The following CACNG2 variants were observed in gnomAD, a reference collection of about 807,000 sequenced individuals.
CACNG2 encodes the protein voltage-dependent calcium channel gamma-2 subunit.
A neutral mutation model predicts 25.9 loss-of-function variants in CACNG2; 3 were observed. That is an observed-to-expected ratio of 0.12 (90% CI 0.05 to 0.30). The LOEUF (loss-of-function observed/expected upper bound fraction) is 0.30. Ranked by LOEUF, CACNG2 falls within the 10% of genes least tolerant of loss-of-function variation. CACNG2 has a pLI of 1.00. For synonymous variants in CACNG2, 167 were observed against 173.3 expected (o/e 0.96, Z 0.29); for missense variants, 341 against 432.5 (o/e 0.79, Z 1.88).
chr22:36,582,858 C>T (rs747892286), intron 2 of CACNG2, among the ~76,000 whole-genome samples: 2 of 151,922 alleles, frequency 1.3e-5, no homozygotes, highest in African/African-American at 2.4e-5. Flanking sequence ...ACCCTGAGGG[C>T]CATAACCTCA....
chr22:36,675,591 A>G (rs549114526), intron 1 of CACNG2, among the ~76,000 whole-genome samples: 1 of 152,356 alleles, frequency 6.6e-6, no homozygotes, highest in Admixed American at 6.5e-5. Flanking sequence ...CAACAGCCAC[A>G]GAGCCTGCTG....
At chr22:36,640,490 C>T (rs1936426472) in intron 1 of CACNG2, among the ~76,000 whole-genome samples, 1 of 152,220 alleles carries the variant, frequency 6.6e-6, no homozygotes, top group Admixed American at 6.5e-5. Context: ...AGGCAGGCCT[C>T]TGCAGCTGGA....
chr22:36,570,762 CAAAAAAA>C (rs11445356), intron 2 of CACNG2, among the ~76,000 whole-genome samples: 1 of 64,158 alleles, frequency 1.6e-5, no homozygotes, highest in African/African-American at 5.1e-5. Context: ...GACTCCATCT[CAAAAAAA>C]AAAAAAAAAA....
intron 1 of CACNG2, among the ~76,000 whole-genome samples, chr22:36,631,076 G>T (rs762895395): frequency 6.6e-6 from 1 of 152,084 alleles, no homozygotes; most frequent in Non-Finnish European, 1.5e-5. Flanking sequence ...TGATCCACCC[G>T]CCTCGGCCTC....
At chr22:36,566,993 G>A (rs1935137988) in intron 2 of CACNG2, among the ~76,000 whole-genome samples, 1 of 152,150 alleles carries the variant, frequency 6.6e-6, no homozygotes, top group South Asian at 2.1e-4. Flanking sequence ...GAGCTCCCTC[G>A]TCTGCACTTT....
intron 1 of CACNG2, among the ~76,000 whole-genome samples, chr22:36,695,488 C>A: frequency 7.1e-6 from 1 of 141,282 alleles, no homozygotes; most frequent in Non-Finnish European, 1.5e-5. Context: ...CCTGCCACTC[C>A]CCCACCCCCA....
At chr22:36,609,994 C>T (rs1397844983) in intron 1 of CACNG2, among the ~76,000 whole-genome samples, 2 of 150,172 alleles carry the variant, frequency 1.3e-5, no homozygotes, top group Non-Finnish European at 3.0e-5. Context: ...TCTCCCAGAG[C>T]GTGATCAGGC....
chr22:36,683,749 C>A (rs1459695741), intron 1 of CACNG2, among the ~76,000 whole-genome samples: 2 of 152,220 alleles, frequency 1.3e-5, no homozygotes, highest in East Asian at 3.9e-4. Context: ...CTGATGGTGT[C>A]TTGGGAGGGG....
At chr22:36,695,871 G>A (rs1402312418) in intron 1 of CACNG2, among the ~76,000 whole-genome samples, 2 of 152,154 alleles carry the variant, frequency 1.3e-5, no homozygotes, top group African/African-American at 4.8e-5. Flanking sequence ...TCATGGCCTA[G>A]TGCTTGGCGC....
At chr22:36,610,013 G>T (rs1935912379) in intron 1 of CACNG2, among the ~76,000 whole-genome samples, 1 of 148,698 alleles carries the variant, frequency 6.7e-6, no homozygotes, top group Non-Finnish European at 1.5e-5. Context: ...GCAGGGATCA[G>T]TCCCCTCAGA....
intron 1 of CACNG2, among the ~76,000 whole-genome samples, chr22:36,694,547 A>G (rs1288231541): frequency 6.6e-6 from 1 of 152,238 alleles, no homozygotes; most frequent in Admixed American, 6.5e-5. Context: ...GAAATCCTCG[A>G]TAATTCTAAC....
chr22:36,679,207 T>TTTCTTTCTTTCTTTCTTTCC (rs1937061747), intron 1 of CACNG2, among the ~76,000 whole-genome samples: 1 of 146,138 alleles, frequency 6.8e-6, no homozygotes, highest in African/African-American at 2.7e-5. Context: ...CCTTTCTTTC[T>TTTCTTTCTTTCTTTCTTTCC]TTCTTTCTTT....
intron 1 of CACNG2, among the ~76,000 whole-genome samples, chr22:36,657,241 C>G (rs1936720721): frequency 6.6e-6 from 1 of 152,180 alleles, no homozygotes; most frequent in Non-Finnish European, 1.5e-5. Context: ...CCGGAGAGAT[C>G]CAGTGGCTCT....
chr22:36,654,420 C>T (rs1569042045), intron 1 of CACNG2, among the ~76,000 whole-genome samples: 3 of 151,690 alleles, frequency 2.0e-5, no homozygotes, highest in African/African-American at 7.3e-5. Context: ...TTGGTAGAGA[C>T]AGAGTTTCCC....
At position 36,564,390 on chromosome 22, in the gene CACNG2, G is replaced by C; in HGVS notation, c.933C>G (p.Leu311=). 1 of 1,614,076 alleles carries C rather than the reference G, an allele frequency of 6.2e-7. No homozygotes were observed. The highest frequency in any genetic ancestry group is 8.5e-7 in the Non-Finnish European group (1 of 1,179,970). ...NCIQKENKDS[L]HSNTANRRTT... ...TCCGGCGGTTGGCTGTGTTGGAGTG[G>C]AGAGAGTCCTTGTTCTCCTTCTGGA... The change falls in exon 4 of 4, where the codon CTC becomes CTG. Residue 311 remains leucine, a synonymous_variant. Transcript: ENST00000300105. The surrounding 1 kb of genome is among the most constrained non-coding windows in gnomAD (Gnocchi z 6.7).
chr22:36,671,101 T>C (rs1936943070), intron 1 of CACNG2, among the ~76,000 whole-genome samples: 1 of 152,008 alleles, frequency 6.6e-6, no homozygotes, highest in Non-Finnish European at 1.5e-5. Flanking sequence ...GTATTTTTAG[T>C]AGAGACGGGT....
intron 1 of CACNG2, among the ~76,000 whole-genome samples, chr22:36,603,102 T>G (rs997692394): frequency 1.3e-4 from 20 of 152,232 alleles, no homozygotes; most frequent in Non-Finnish European, 2.8e-4. Context: ...GGGAAAGTTA[T>G]TAAGGGAAGT....
intron 1 of CACNG2, among the ~76,000 whole-genome samples, chr22:36,663,486 T>C (rs193106077): frequency 3.9e-5 from 6 of 152,330 alleles, no homozygotes; most frequent in Admixed American, 1.3e-4. Context: ...CCAGGCATCC[T>C]GAGTTTTTTT....
At chr22:36,570,767 A>G (rs1935212639) in intron 2 of CACNG2, among the ~76,000 whole-genome samples, 1 of 149,400 alleles carries the variant, frequency 6.7e-6, no homozygotes, top group Admixed American at 6.6e-5. Flanking sequence ...CATCTCAAAA[A>G]AAAAAAAAAA....
Sources: allele counts gnomAD v4.1 joint callset (sites outside exome capture counted in the v4.1 genomes callset), GRCh38; gene constraint gnomAD v4.1.1; non-coding constraint Gnocchi (gnomAD v3.1); transcripts MANE v1.5; gene names NCBI Gene and HGNC (gene_info 2026-07-23, HGNC 2026-07-21).